Variants in PEX3 observed in about 807,000 individuals in gnomAD.
PEX3 encodes peroxisomal biogenesis factor 3, also known as peroxin-3.
Under a neutral mutation model 55.8 loss-of-function variants are expected in PEX3, and 30 were observed. The ratio of observed to expected loss-of-function variants is 0.54; its 90% CI spans 0.40 to 0.73. PEX3 has a LOEUF of 0.73. Among genes scored for constraint, PEX3 ranks in the 30% least tolerant of loss-of-function variants. The pLI is 0.00. For missense variants in PEX3, 351 were observed against 432.8 expected, an observed-to-expected ratio of 0.81 and a Z score of 1.68; for synonymous variants, 135 against 148.4, an observed-to-expected ratio of 0.91 and a Z score of 0.66.
chr6:143,467,838 A>G (rs1200628749), intron 3 of PEX3, among the ~76,000 whole-genome samples: 2 of 152,182 alleles, frequency 1.3e-5, no homozygotes, highest in Non-Finnish European at 2.9e-5. Flanking sequence ...AGTTAGGGAA[A>G]AGAAAGAAAT....
rs561111904 is a variant in PEX3, at chr6:143,462,500, A to G, written c.206-416A>G. Reference sequence around the variant, plus strand: ...TAGAATGAAAAATGAAGGAAAAAGTATAGCTGAATATAAAAATGCTTTTGA... The same window carrying G: ...TAGAATGAAAAATGAAGGAAAAAGTGTAGCTGAATATAAAAATGCTTTTGA... On this transcript the variant is annotated intron_variant, in intron 2 of 11. Transcript: ENST00000367591. The surrounding 1 kb of genome is among the most constrained non-coding windows in gnomAD (Gnocchi z 4.1). Among the ~76,000 whole-genome samples, 2 of 152,224 alleles carry G rather than the reference A, an allele frequency of 1.3e-5. No homozygotes were observed. The highest frequency in any genetic ancestry group is 2.9e-5 in the Non-Finnish European group (2 of 68,030).
At position 143,459,076 on chromosome 6, in the gene PEX3, T is replaced by A; in HGVS notation, c.74-9T>A. 1.3e-6 allele frequency: 2 copies of A among 1,563,062 alleles called. No homozygotes were observed. Among genetic ancestry groups the A allele is most frequent in the Non-Finnish European group, 1.8e-6 (2 of 1,133,810 alleles). On this transcript the variant is annotated splice_polypyrimidine_tract_variant and intron_variant, in intron 1 of 11. Coordinates refer to ENST00000367591, the MANE Select transcript of PEX3 (RefSeq NM_003630.3). This position sits in a 1 kb window ranked among gnomAD's most constrained non-coding sequence, Gnocchi z 4.2. ...TCTAATGAATATAGTACTTTTTTAA[T>A]GATTGTAGGAGTATATATTCTGGGG... is the stretch of plus-strand genomic sequence containing the variant.
chr6:143,490,509 C>A lies in PEX3; in HGVS notation c.*1283C>A. ...TGAGCCCACTGGCATTGTCTCTGAGCAGAAGATGGCTGTGCCACTCACATA... is the reference window on the plus strand; with the variant it reads ...TGAGCCCACTGGCATTGTCTCTGAGAAGAAGATGGCTGTGCCACTCACATA... On this transcript the variant is annotated 3_prime_UTR_variant, in exon 12 of 12. Coordinates refer to ENST00000367591, the MANE Select transcript of PEX3 (RefSeq NM_003630.3). The surrounding 1 kb of genome is among the most constrained non-coding windows in gnomAD (Gnocchi z 6.0). 1 of 307,762 alleles carries A rather than the reference C, an allele frequency of 3.2e-6. No homozygotes were observed. Among genetic ancestry groups the A allele is most frequent in the South Asian group, 3.1e-5 (1 of 31,850 alleles). 19.1% of individuals were successfully genotyped at this position (307,762 alleles called of 1,614,324 possible).
rs1326909418 is a variant in PEX3, at chr6:143,471,084, C to G, written c.455C>G (p.Thr152Ser). ...AATGCAGCAGTTGGCAAAAATGGCA[C>G]TGTAAGTTTAATAGACTTAAATAGA... ...LDNAAVGKNGTTILAPPDVQQ... is the reference protein window; with the variant it reads ...LDNAAVGKNGSTILAPPDVQQ... The change falls in exon 5 of 12, where the codon ACT (threonine) becomes AGT (serine). Residue 152 changes from threonine (T) to serine (S), a missense_variant and splice_region_variant. Physicochemically the swap from Thr to Ser is moderately conservative, Grantham distance 58. Coordinates refer to ENST00000367591, the MANE Select transcript of PEX3 (RefSeq NM_003630.3). The surrounding 1 kb of genome is among the most constrained non-coding windows in gnomAD (Gnocchi z 5.4). The G allele has an allele frequency of 5.0e-6, 8 of 1,613,180 alleles. No individual in the cohort carries two copies. The highest frequency in any genetic ancestry group is 6.8e-6 in the Non-Finnish European group (8 of 1,179,320).
chr6:143,469,311 A>G (rs191125797), intron 4 of PEX3, among the ~76,000 whole-genome samples: 137 of 152,224 alleles, frequency 9.0e-4, no homozygotes, highest in Non-Finnish European at 1.7e-3. Flanking sequence ...AAGTGTTCCT[A>G]TTTCTCCACA....
rs1303374089 is a variant in PEX3 at position 143,458,152 on chromosome 6, G to A, written c.74-933G>A. 1.3e-5 allele frequency among the ~76,000 whole-genome samples: 2 copies of A among 152,120 alleles called. No homozygotes were observed. Among genetic ancestry groups the A allele is most frequent in the African/African-American group, 4.8e-5 (2 of 41,424 alleles). Reference sequence around the variant, plus strand: ...TGGAATGTGGCTTTTGATCAAGTGTGGCTAACTAACCACTCTGGAATGTTC... The same window carrying A: ...TGGAATGTGGCTTTTGATCAAGTGTAGCTAACTAACCACTCTGGAATGTTC... On this transcript the variant is annotated intron_variant, in intron 1 of 11. Coordinates refer to ENST00000367591, the MANE Select transcript of PEX3 (RefSeq NM_003630.3). This position sits in a 1 kb window ranked among gnomAD's most constrained non-coding sequence, Gnocchi z 6.1.
At position 143,489,399 on chromosome 6, in the gene PEX3, T is replaced by A. The variant is rs1379308306; in HGVS notation, c.*173T>A. On this transcript the variant is annotated 3_prime_UTR_variant, in exon 12 of 12. Transcript: ENST00000367591. The surrounding 1 kb of genome is among the most constrained non-coding windows in gnomAD (Gnocchi z 5.5). ...TTTATTTGGCATCTTAATATATTTT[T>A]TTAGATTCATCAACAGACCAGTTTT... 3 of 549,320 alleles carry A rather than the reference T, an allele frequency of 5.5e-6. No individual in the cohort carries two copies. The highest frequency in any genetic ancestry group is 9.8e-6 in the Non-Finnish European group (3 of 307,686). The allele number at this position is 549,320 out of a possible 1,614,324, so 34.0% of individuals were successfully genotyped here.
rs577978616 is a variant in PEX3, at chr6:143,473,652, C to A, written c.748-1134C>A. 1.9e-4 allele frequency among the ~76,000 whole-genome samples: 29 copies of A among 152,076 alleles called. 1 individual carries two copies. In the South Asian group the frequency reaches 6.0e-3, roughly 32 times the overall value. ...GGTTGACGGGGAGGATCACTTGGGT[C>A]CAGGAGTTCAGGACCAGCCTGGGCA... On this transcript the variant is annotated intron_variant, in intron 8 of 11. Transcript: ENST00000367591.
rs1473552670 is a variant in PEX3, at chr6:143,450,870, C to T, written c.-173C>T. 6.4e-6 allele frequency: 5 copies of T among 781,384 alleles called. No homozygotes were observed. Among genetic ancestry groups the T allele is most frequent in the Non-Finnish European group, 1.1e-5 (5 of 442,772 alleles). The allele number at this position is 781,384 out of a possible 1,614,324, so 48.4% of individuals were successfully genotyped here. A position where few individuals can be genotyped will look rare whatever the true frequency, so the allele number is the denominator to read the frequency against. The stretch of plus-strand genomic sequence containing the variant: ...GTAGCTGCTTTGCTGTAGTCCACGC[C>T]CCCTTGCCGCTCCGGTGACAGTCTC... On this transcript the variant is annotated 5_prime_UTR_variant, in exon 1 of 12. Coordinates refer to ENST00000367591, the MANE Select transcript of PEX3 (RefSeq NM_003630.3).
chr6:143,471,310 A>G lies in PEX3; in HGVS notation c.457-73A>G. On this transcript the variant is annotated intron_variant, in intron 5 of 11. Transcript: ENST00000367591. The surrounding 1 kb of genome is among the most constrained non-coding windows in gnomAD (Gnocchi z 5.4). ...TCAGATCTTGAAAAATCTCAGCCAAAGTTTTATTGAAAACATTTCTTATTT... is the reference window on the plus strand; with the variant it reads ...TCAGATCTTGAAAAATCTCAGCCAAGGTTTTATTGAAAACATTTCTTATTT... 1 of 1,255,672 alleles carries G rather than the reference A, an allele frequency of 8.0e-7. No homozygotes were observed. The highest frequency in any genetic ancestry group is 1.5e-5 in the African/African-American group (1 of 67,688). 77.8% of individuals were successfully genotyped at this position (1,255,672 alleles called of 1,614,324 possible). A position where few individuals can be genotyped will look rare whatever the true frequency, so the allele number is the denominator to read the frequency against.
At position 143,472,248 on chromosome 6, in the gene PEX3, TC is replaced by T; in HGVS notation, c.668del (p.Ser223PhefsTer16). Reference sequence around the variant, plus strand: ...TCTCGTTGAGCAGCATAAGTCTTCTTCTTGGATTAATAAAGATGGATCCAAA... The same window carrying T: ...TCTCGTTGAGCAGCATAAGTCTTCTTTTGGATTAATAAAGATGGATCCAAA... ...RNLVEQHKSS[S>X]WINKDGSKPL... is the part of the protein sequence containing the mutation. On this transcript the variant is annotated frameshift_variant, in exon 8 of 12. Coordinates refer to ENST00000367591, the MANE Select transcript of PEX3 (RefSeq NM_003630.3). LOFTEE classifies it high-confidence loss of function. 6.2e-7 allele frequency: 1 copy of T among 1,608,756 alleles called. No homozygotes were observed. Among genetic ancestry groups the T allele is most frequent in the Non-Finnish European group, 8.5e-7 (1 of 1,175,390 alleles).
At chr6:143,474,050 T>C (rs367756044) in intron 8 of PEX3, among the ~76,000 whole-genome samples, 312 of 152,152 alleles carry the variant, frequency 2.1e-3, no homozygotes, top group African/African-American at 7.0e-3. Context: ...GAGGATCACT[T>C]GAGCCCACGA....
chr6:143,451,141 G>T lies in PEX3; in HGVS notation c.73+26G>T, dbSNP rs1207386224. ...GTGGGTGACAACGTGCTTGAAAGGG[G>T]GCATTGGGAGAAGGGGGTGGGAGAG... On this transcript the variant is annotated intron_variant, in intron 1 of 11. Coordinates refer to ENST00000367591, the MANE Select transcript of PEX3 (RefSeq NM_003630.3). This position sits in a 1 kb window ranked among gnomAD's most constrained non-coding sequence, Gnocchi z 4.1. 2.0e-6 allele frequency: 3 copies of T among 1,523,470 alleles called. No individual in the cohort carries two copies. The highest frequency in any genetic ancestry group is 1.1e-5 in the South Asian group (1 of 89,346). The allele number at this position is 1,523,470 out of a possible 1,614,324, so 94.4% of individuals were successfully genotyped here.
At chr6:143,467,630 G>C (rs1780010395) in intron 3 of PEX3, among the ~76,000 whole-genome samples, 1 of 152,064 alleles carries the variant, frequency 6.6e-6, no homozygotes, top group African/African-American at 2.4e-5. Flanking sequence ...CAAATCAAAA[G>C]GATTCAGGAG....
rs963959676 is a variant in PEX3, at chr6:143,487,942, A to G, written c.1039-1201A>G. Reference sequence around the variant, plus strand: ...GTAGGTTATATATTTTATCTTCTCAATAATCAAGAGCGTGTTTGAGTTTTC... The same window carrying G: ...GTAGGTTATATATTTTATCTTCTCAGTAATCAAGAGCGTGTTTGAGTTTTC... On this transcript the variant is annotated intron_variant, in intron 11 of 11. Transcript: ENST00000367591. The surrounding 1 kb of genome is among the most constrained non-coding windows in gnomAD (Gnocchi z 5.3). Among the ~76,000 whole-genome samples, 1 of 152,126 alleles carries G rather than the reference A, an allele frequency of 6.6e-6. No individual in the cohort carries two copies. Among genetic ancestry groups the G allele is most frequent in the Non-Finnish European group, 1.5e-5 (1 of 68,002 alleles).
chr6:143,473,379 C>T (rs927989460), intron 8 of PEX3, among the ~76,000 whole-genome samples: 3 of 152,068 alleles, frequency 2.0e-5, no homozygotes, highest in African/African-American at 4.8e-5. Context: ...CAAGGAGACG[C>T]AATAAGAGTA....
intron 4 of PEX3, among the ~76,000 whole-genome samples, chr6:143,468,812 C>CT (rs1562653863): frequency 8.1e-6 from 1 of 122,914 alleles, no homozygotes; most frequent in African/African-American, 2.8e-5. Context: ...CCCCCCCCCC[C>CT]CCACCCCACG....
Position 143,465,953 on chromosome 6 carries a change from G to T in PEX3, c.288-2169G>T, listed in dbSNP as rs770457094. ...TGGACTTGTGTTTTCTATATCTGTG[G>T]TTTTTTTTATTTCATGTTTTCTAGT... On this transcript the variant is annotated intron_variant, in intron 3 of 11. Coordinates refer to ENST00000367591, the MANE Select transcript of PEX3 (RefSeq NM_003630.3). This position sits in a 1 kb window ranked among gnomAD's most constrained non-coding sequence, Gnocchi z 4.7. Among the ~76,000 whole-genome samples, 84 of 151,714 alleles carry T rather than the reference G, an allele frequency of 5.5e-4. 1 individual carries two copies. The highest frequency in any genetic ancestry group is 3.9e-3 in the Admixed American group (59 of 15,234).
chr6:143,471,700 C>T lies in PEX3; in HGVS notation c.578+89C>T. 1 of 916,886 alleles carries T rather than the reference C, an allele frequency of 1.1e-6. No individual in the cohort carries two copies. The highest frequency in any genetic ancestry group is 1.7e-5 in the Admixed American group (1 of 58,518). The allele number at this position is 916,886 out of a possible 1,614,324, so 56.8% of individuals were successfully genotyped here. ...TGTTCTAGTGAAACCAGTGACTTGA[C>T]AAACGGTGATTTGTGAAACTCTTTG... On this transcript the variant is annotated intron_variant, in intron 7 of 11. Transcript: ENST00000367591. This position sits in a 1 kb window ranked among gnomAD's most constrained non-coding sequence, Gnocchi z 5.4.
Sources: gnomAD v4.1 joint callset for allele counts (sites outside exome capture counted in the v4.1 genomes callset) on GRCh38, gnomAD v4.1.1 for gene constraint, Gnocchi (gnomAD v3.1) non-coding constraint, MANE v1.5 for transcripts, NCBI Gene and HGNC (gene_info 2026-07-23, HGNC 2026-07-21) for gene names.